Variants in ARHGAP17 observed in about 807,000 individuals in gnomAD.
ARHGAP17 encodes rho GTPase-activating protein 17.
Under a neutral mutation model 99.5 loss-of-function variants are expected in ARHGAP17, and 57 were observed. The observed-to-expected ratio is 0.57, with a 90% CI of 0.46 to 0.71. The LOEUF (loss-of-function observed/expected upper bound fraction) is 0.71. Among genes scored for constraint, ARHGAP17 ranks in the 30% least tolerant of loss-of-function variants. The pLI, the probability that ARHGAP17 is intolerant of heterozygous loss-of-function variation, is 0.00. For synonymous variants in ARHGAP17, 417 were observed against 429.6 expected (o/e 0.97, Z 0.36); for missense variants, 1,000 against 1,122.4 (o/e 0.89, Z 1.56).
chr16:24,940,920 CTG>C (rs1310500170), intron 16 of ARHGAP17, among the ~76,000 whole-genome samples: 2 of 152,188 alleles, frequency 1.3e-5, no homozygotes, highest in Non-Finnish European at 2.9e-5. Flanking sequence ...AGGCAGGTAA[CTG>C]AGAATTGTCT....
chr16:24,967,799 A>G (rs894372467), intron 6 of ARHGAP17, among the ~76,000 whole-genome samples: 3 of 149,982 alleles, frequency 2.0e-5, no homozygotes, highest in African/African-American at 4.9e-5. Flanking sequence ...AAAAAAAAAG[A>G]AAAGGAAAGA....
rs2051381988 is a variant in ARHGAP17, at chr16:24,943,706, T to C, written c.1333+65A>G. On this transcript the variant is annotated intron_variant, in intron 15 of 19. Coordinates refer to ENST00000289968, the MANE Select transcript of ARHGAP17 (RefSeq NM_001006634.3). The stretch of plus-strand genomic sequence containing the variant: ...AAGAAGGATTACAGATGTATTCTCT[T>C]AAGAAGACTTTTTGTACGATTATCA... 3 of 1,423,616 alleles carry C rather than the reference T, an allele frequency of 2.1e-6. No homozygotes were observed. The Admixed American group carries it at 5.2e-5, about 24-fold the overall frequency. The allele number at this position is 1,423,616 out of a possible 1,614,324, so 88.2% of individuals were successfully genotyped here.
chr16:24,922,451 A>G (rs2050741386), intron 19 of ARHGAP17, among the ~76,000 whole-genome samples: 1 of 152,154 alleles, frequency 6.6e-6, no homozygotes, highest in Non-Finnish European at 1.5e-5. Context: ...ATCCACACAC[A>G]TTATTAATTC....
At chr16:24,925,161 T>C (rs939997241) in intron 19 of ARHGAP17, among the ~76,000 whole-genome samples, 1 of 151,940 alleles carries the variant, frequency 6.6e-6, no homozygotes, top group African/African-American at 2.4e-5. Context: ...AGTGGATCAC[T>C]TGAAGTCATG....
intron 1 of ARHGAP17, among the ~76,000 whole-genome samples, chr16:25,009,134 G>A (rs575685836): frequency 6.6e-6 from 1 of 152,346 alleles, no homozygotes; most frequent in African/African-American, 2.4e-5. Flanking sequence ...GGGAGGCCAA[G>A]GTGGGTGGAT....
chr16:24,942,406 T>A (rs935767512), intron 15 of ARHGAP17, among the ~76,000 whole-genome samples: 3 of 151,830 alleles, frequency 2.0e-5, no homozygotes, highest in South Asian at 2.1e-4. Flanking sequence ...GGAAAAAAAA[T>A]AAATAAAAAC....
Position 24,954,589 on chromosome 16 carries a change from G to A in ARHGAP17, c.852+14C>T, listed in dbSNP as rs748725616. On this transcript the variant is annotated intron_variant, in intron 10 of 19. Transcript: ENST00000289968. ...ATGGAGACTTGGTGCACAGGATCAC[G>A]AAGCTCCCCTCACCTCCTCCTTCAT... is the stretch of plus-strand genomic sequence containing the variant. 8.7e-6 allele frequency: 14 copies of A among 1,609,926 alleles called. 1 individual carries two copies. The highest frequency in any genetic ancestry group is 5.5e-5 in the South Asian group (5 of 90,258).
At chr16:24,961,198 T>C (rs977250873) in intron 7 of ARHGAP17, among the ~76,000 whole-genome samples, 18 of 151,192 alleles carry the variant, frequency 1.2e-4, no homozygotes, top group African/African-American at 3.9e-4. Flanking sequence ...TGTATAAAAA[T>C]ATGTCTTGAC....
chr16:25,004,653 T>C (rs1469791160), intron 1 of ARHGAP17, among the ~76,000 whole-genome samples: 12 of 152,196 alleles, frequency 7.9e-5, no homozygotes, highest in African/African-American at 7.2e-5. Context: ...TTAAGAAGTA[T>C]AAATTTGGCC....
At chr16:24,947,683 G>T in intron 13 of ARHGAP17, 88 bp from the exon 14 acceptor site, 2 of 1,093,922 alleles carry the variant, frequency 1.8e-6, no homozygotes, top group Non-Finnish European at 2.7e-6. Flanking sequence ...ATCCCAGTTT[G>T]CTCAGGTGCT....
At position 24,919,981 on chromosome 16, in the gene ARHGAP17, C is replaced by T. The variant is rs903710613; in HGVS notation, c.*149G>A. 1.8e-5 allele frequency: 21 copies of T among 1,152,620 alleles called. No homozygotes were observed. The highest frequency in any genetic ancestry group is 3.1e-5 in the African/African-American group (2 of 64,130). 71.4% of individuals were successfully genotyped at this position (1,152,620 alleles called of 1,614,324 possible). ...TGGTGGCCTCCAGGTTCTCCTTGGG[C>T]CGTGCAGAAGGCCAGGTCCCGCACA... On this transcript the variant is annotated 3_prime_UTR_variant, in exon 20 of 20. Coordinates refer to ENST00000289968, the MANE Select transcript of ARHGAP17 (RefSeq NM_001006634.3).
At chr16:24,927,515 G>T (rs956871600) in intron 19 of ARHGAP17, among the ~76,000 whole-genome samples, 2 of 152,176 alleles carry the variant, frequency 1.3e-5, no homozygotes, top group Non-Finnish European at 2.9e-5. Context: ...TTAGTATTCC[G>T]AATCATTGCA....
At chr16:24,941,862 T>C in intron 16 of ARHGAP17, 125 bp downstream of exon 16, 1 of 1,325,626 alleles carries the variant, frequency 7.5e-7, no homozygotes, top group Non-Finnish European at 1.1e-6. Flanking sequence ...AGAAACTATC[T>C]GGACACCATC....
chr16:24,930,694 C>T, intron 19 of ARHGAP17, 90 bp downstream of exon 19: 1 of 1,611,160 alleles, frequency 6.2e-7, no homozygotes, highest in Non-Finnish European at 8.5e-7. Flanking sequence ...TTTGCTGACA[C>T]CTGGCATAAA....
At chr16:24,948,147 T>A (rs2051528415) in intron 13 of ARHGAP17, among the ~76,000 whole-genome samples, 1 of 152,190 alleles carries the variant, frequency 6.6e-6, no homozygotes, top group Non-Finnish European at 1.5e-5. Context: ...GCTACCATCA[T>A]TACAAAATGT....
intron 1 of ARHGAP17, among the ~76,000 whole-genome samples, chr16:24,985,188 CCA>C (rs57147061): frequency 0.048 from 7,257 of 150,306 alleles, 483 homozygotes; most frequent in African/African-American, 0.15. Context: ...AAATGCAACC[CCA>C]CACACACACA....
intron 14 of ARHGAP17, among the ~76,000 whole-genome samples, chr16:24,944,079 T>C (rs1311199647): frequency 1.3e-5 from 2 of 151,974 alleles, no homozygotes; most frequent in Non-Finnish European, 2.9e-5. Flanking sequence ...GAGACAATCC[T>C]GGCCAACATG....
In ARHGAP17 at chr16:25,009,952, G is replaced by A. The variant is rs561563294; in HGVS notation, c.53+5257C>T. Among the ~76,000 whole-genome samples, 7 of 152,274 alleles carry A rather than the reference G, an allele frequency of 4.6e-5. No homozygotes were observed. The East Asian group carries it at 1.3e-3, about 29-fold the overall frequency. ...TAAACACTAATCCTTCCCTGGTGAA[G>A]AGGCAGCCCAGTTCCTGTACTCAAA... is the stretch of plus-strand genomic sequence containing the variant. On this transcript the variant is annotated intron_variant, in intron 1 of 19. Transcript: ENST00000289968.
In ARHGAP17 at chr16:24,931,345, C is replaced by G; in HGVS notation, c.1954G>C (p.Gly652Arg). The change falls in exon 19 of 20, where the codon GGG becomes CGG. Residue 652 changes from glycine (G) to arginine (R), a missense_variant. Gly to Arg is a moderately radical substitution (Grantham distance 125). Coordinates refer to ENST00000289968, the MANE Select transcript of ARHGAP17 (RefSeq NM_001006634.3). ...GATGTTCCTGAAGAACTCTGGCCCC[C>G]GGGGTGGCCAGGAGGTGGGTTGCCC... Reference protein sequence around the residue: ...KPGNPPPGHPGGQSSSGTSQH... With the variant: ...KPGNPPPGHPRGQSSSGTSQH... The G allele has an allele frequency of 1.3e-6, 2 of 1,490,126 alleles. No individual in the cohort carries two copies. The highest frequency in any genetic ancestry group is 1.8e-6 in the Non-Finnish European group (2 of 1,121,678). The allele number at this position is 1,490,126 out of a possible 1,614,324, so 92.3% of individuals were successfully genotyped here. A position where few individuals can be genotyped will look rare whatever the true frequency, so the allele number is the denominator to read the frequency against.
Sources: gnomAD v4.1 joint callset for allele counts (sites outside exome capture counted in the v4.1 genomes callset) on GRCh38, gnomAD v4.1.1 for gene constraint, MANE v1.5 for transcripts, NCBI Gene and HGNC (gene_info 2026-07-23, HGNC 2026-07-21) for gene names.